The following EFCAB11 variants were observed in gnomAD, a reference collection of about 807,000 sequenced individuals.
EFCAB11 encodes EF-hand calcium-binding domain-containing protein 11.
Under a neutral mutation model 23.0 loss-of-function variants are expected in EFCAB11, and 14 were observed. The ratio of observed to expected loss-of-function variants is 0.61; its 90% confidence interval spans 0.40 to 0.95. The LOEUF (loss-of-function observed/expected upper bound fraction) is 0.95. EFCAB11 is among the 40% of genes least tolerant of loss of function. EFCAB11 has a pLI of 0.00. For synonymous variants in EFCAB11, 65 were observed against 66.6 expected (o/e 0.98, Z 0.11); for missense variants, 198 against 195.8 (o/e 1.01, Z -0.07).
At chr14:89,823,086 C>A (rs1886577843) in intron 5 of EFCAB11, among the ~76,000 whole-genome samples, 1 of 152,028 alleles carries the variant, frequency 6.6e-6, no homozygotes. Context: ...GTTATATTAC[C>A]CAGGTGGGAC....
At chr14:89,800,985 G>C (rs943571259) in intron 5 of EFCAB11, among the ~76,000 whole-genome samples, 12 of 150,744 alleles carry the variant, frequency 8.0e-5, no homozygotes, top group Non-Finnish European at 1.6e-4. Context: ...GGAGGCTGCA[G>C]TGAGCTGAGT....
At chr14:89,907,202 C>G (rs1889525311) in intron 5 of EFCAB11, among the ~76,000 whole-genome samples, 1 of 152,140 alleles carries the variant, frequency 6.6e-6, no homozygotes, top group African/African-American at 2.4e-5. Flanking sequence ...GAAAGAGTTA[C>G]AGAGAAACTC....
intron 5 of EFCAB11, among the ~76,000 whole-genome samples, chr14:89,884,168 C>CA (rs967446903): frequency 6.6e-6 from 1 of 150,764 alleles, no homozygotes; most frequent in Non-Finnish European, 1.5e-5. Flanking sequence ...ATGCCCTTAA[C>CA]AAAAAAAAAT....
chr14:89,814,731 C>T (rs1230325528), intron 5 of EFCAB11, among the ~76,000 whole-genome samples: 2 of 151,952 alleles, frequency 1.3e-5, no homozygotes, highest in Non-Finnish European at 2.9e-5. Flanking sequence ...CCCAGCCCCA[C>T]TCTTTCATTT....
chr14:89,946,771 T>C (rs1320335643), intron 3 of EFCAB11, among the ~76,000 whole-genome samples: 1 of 150,590 alleles, frequency 6.6e-6, no homozygotes, highest in African/African-American at 2.5e-5. Context: ...ATTCAGAGTC[T>C]CATACTATGT....
At chr14:89,952,282 G>T in intron 2 of EFCAB11, 1 of 465,864 alleles carries the variant, frequency 2.1e-6, no homozygotes, top group Non-Finnish European at 2.8e-6. Context: ...ATTTCATGGA[G>T]TGTATGTACA....
chr14:89,941,483 T>C (rs1890790419), intron 3 of EFCAB11, among the ~76,000 whole-genome samples: 2 of 152,132 alleles, frequency 1.3e-5, no homozygotes, highest in African/African-American at 4.8e-5. Flanking sequence ...TCGGATCACG[T>C]TGGTCTGGTA....
intron 5 of EFCAB11, chr14:89,923,272 A>G (rs951702829): frequency 2.0e-5 from 3 of 152,206 alleles, no homozygotes; most frequent in African/African-American, 7.2e-5. Flanking sequence ...AATTATTTCT[A>G]TAGCTGAATT....
intron 5 of EFCAB11, among the ~76,000 whole-genome samples, chr14:89,815,856 G>C (rs1014498580): frequency 1.3e-5 from 2 of 152,030 alleles, no homozygotes; most frequent in Non-Finnish European, 2.9e-5. Context: ...CTCATTTCTC[G>C]GGTTCAACTG....
intron 5 of EFCAB11, chr14:89,836,451 G>T: frequency 2.4e-6 from 1 of 423,000 alleles, no homozygotes; most frequent in Non-Finnish European, 4.8e-6. Context: ...CTGAGGGTCT[G>T]CCCAGAGTGG....
intron 5 of EFCAB11, among the ~76,000 whole-genome samples, chr14:89,929,666 A>G (rs1383566519): frequency 6.6e-6 from 1 of 152,216 alleles, no homozygotes; most frequent in Non-Finnish European, 1.5e-5. Flanking sequence ...GATTACAGAT[A>G]TGAGCCACCA....
At chr14:89,843,992 G>T (rs1887351344) in intron 5 of EFCAB11, among the ~76,000 whole-genome samples, 1 of 152,138 alleles carries the variant, frequency 6.6e-6, no homozygotes, top group Admixed American at 6.6e-5. Flanking sequence ...GAAATGACAG[G>T]CTCACTCCAT....
chr14:89,871,778 CT>C (rs1319157216), intron 5 of EFCAB11, among the ~76,000 whole-genome samples: 7 of 152,310 alleles, frequency 4.6e-5, no homozygotes, highest in African/African-American at 1.7e-4. Context: ...CCTTTTCCCC[CT>C]GACTCCATCA....
intron 5 of EFCAB11, among the ~76,000 whole-genome samples, chr14:89,889,686 G>A (rs1020831144): frequency 4.6e-5 from 7 of 152,230 alleles, no homozygotes; most frequent in Admixed American, 2.6e-4. Context: ...TTCCTTCTGC[G>A]AGTCTGAAAT....
intron 5 of EFCAB11, among the ~76,000 whole-genome samples, chr14:89,834,767 T>G (rs1327344648): frequency 6.6e-6 from 1 of 152,036 alleles, no homozygotes; most frequent in African/African-American, 2.4e-5. Flanking sequence ...CTGAAAGAGA[T>G]TTGGATATGA....
intron 3 of EFCAB11, among the ~76,000 whole-genome samples, chr14:89,934,723 A>G (rs1890519734): frequency 6.6e-6 from 1 of 152,230 alleles, no homozygotes; most frequent in Non-Finnish European, 1.5e-5. Context: ...GACAGAGAAC[A>G]TAATGACAAA....
At chr14:89,946,610 T>C (rs1890994444) in intron 3 of EFCAB11, among the ~76,000 whole-genome samples, 1 of 152,160 alleles carries the variant, frequency 6.6e-6, no homozygotes, top group Admixed American at 6.5e-5. Flanking sequence ...TCTCACTCTG[T>C]CGCCCAGGCT....
At chr14:89,884,849 T>C (rs1355612769) in intron 5 of EFCAB11, among the ~76,000 whole-genome samples, 1 of 152,200 alleles carries the variant, frequency 6.6e-6, no homozygotes, top group Non-Finnish European at 1.5e-5. Flanking sequence ...AAGGGATTAG[T>C]GCTCTTATAA....
chr14:89,861,632 C>T (rs1219369104), intron 5 of EFCAB11, among the ~76,000 whole-genome samples: 1 of 152,062 alleles, frequency 6.6e-6, no homozygotes, highest in Non-Finnish European at 1.5e-5. Context: ...AACTTAATCC[C>T]CAAATTTATA....
Sources: gnomAD v4.1 joint callset for allele counts (sites outside exome capture counted in the v4.1 genomes callset) on GRCh38, gnomAD v4.1.1 for gene constraint, MANE v1.5 for transcripts, NCBI Gene and HGNC (gene_info 2026-07-23, HGNC 2026-07-21) for gene names.